Variants in RIC8B observed in about 807,000 individuals in gnomAD.
RIC8B encodes RIC8 guanine nucleotide exchange factor B, also known as chaperone Ric-8B.
RIC8B carries 16 observed loss-of-function variants against 57.5 expected under a neutral mutation model. The ratio of observed to expected loss-of-function variants is 0.28; its 90% CI spans 0.19 to 0.42. The LOEUF is 0.42. Ranked by LOEUF, RIC8B falls within the 10% of genes least tolerant of loss-of-function variation. RIC8B has a pLI of 1.00. For synonymous variants in RIC8B, 216 were observed against 250.8 expected, an observed-to-expected ratio of 0.86 and a Z score of 1.31; for missense variants, 481 against 677.0, an observed-to-expected ratio of 0.71 and a Z score of 3.21.
intron 2 of RIC8B, among the ~76,000 whole-genome samples, chr12:106,812,002 G>C (rs767996943): frequency 2.6e-5 from 4 of 151,116 alleles, no homozygotes; most frequent in African/African-American, 9.8e-5. Context: ...AGAAATTATT[G>C]TATTGAGTAA....
intron 7 of RIC8B, among the ~76,000 whole-genome samples, chr12:106,853,604 G>C (rs1445408156): frequency 6.6e-6 from 1 of 151,568 alleles, no homozygotes; most frequent in Non-Finnish European, 1.5e-5. Flanking sequence ...GAGTAGCTGG[G>C]ACTACAGGCA....
In RIC8B at chr12:106,815,220, C is replaced by T; in HGVS notation, c.657C>T (p.Leu219=). ...CCATAGACCATAATGGACCTCCTCT[C>T]TCACCTCAGGAGACAGACTGTGCCA... is the stretch of plus-strand genomic sequence containing the variant. ...ESAIDHNGPP[L]SPQETDCAIE... The change falls in exon 3 of 10, where the codon CTC becomes CTT. Residue 219 remains leucine, a synonymous_variant. Coordinates refer to ENST00000392837, the MANE Select transcript of RIC8B (RefSeq NM_001330145.2). The T allele has an allele frequency of 6.2e-7, 1 of 1,614,202 alleles. No individual in the cohort carries two copies. Among genetic ancestry groups the T allele is most frequent in the Non-Finnish European group, 8.5e-7 (1 of 1,180,026 alleles).
intron 2 of RIC8B, among the ~76,000 whole-genome samples, chr12:106,809,571 G>T (rs973054601): frequency 6.8e-6 from 1 of 147,202 alleles, no homozygotes; most frequent in Non-Finnish European, 1.5e-5. Flanking sequence ...TGTTCAGTAA[G>T]CATTTCTTAG....
intron 9 of RIC8B, among the ~76,000 whole-genome samples, chr12:106,873,347 C>T (rs1475229231): frequency 1.3e-5 from 2 of 152,180 alleles, no homozygotes; most frequent in Non-Finnish European, 2.9e-5. Flanking sequence ...CCTTTGTGTG[C>T]TTTCTAACAT....
intron 8 of RIC8B, among the ~76,000 whole-genome samples, chr12:106,861,692 A>G (rs1438704792): frequency 1.3e-5 from 2 of 152,078 alleles, no homozygotes; most frequent in Admixed American, 1.3e-4. Flanking sequence ...CATCATTCTA[A>G]ATTAGTCTTA....
chr12:106,798,141 T>A (rs1159111403), intron 2 of RIC8B: 1 of 602,642 alleles, frequency 1.7e-6, no homozygotes, highest in Admixed American at 2.9e-5. Flanking sequence ...CTTAGGCATA[T>A]CGTAGATCTT....
At chr12:106,882,159 C>A (rs1347878600) in intron 9 of RIC8B, among the ~76,000 whole-genome samples, 1 of 152,162 alleles carries the variant, frequency 6.6e-6, no homozygotes, top group Non-Finnish European at 1.5e-5. Context: ...CATGGGAAAA[C>A]CTTCTGTAAG....
rs527507516 is a variant in RIC8B, at chr12:106,849,457, A to G, written c.1162-1993A>G. Among the ~76,000 whole-genome samples, 4 of 151,214 alleles carry G rather than the reference A, an allele frequency of 2.6e-5. No individual in the cohort carries two copies. The South Asian group carries it at 8.4e-4, about 32-fold the overall frequency. ...TGTGAGCTACCATGCCCGGCCAAAA[A>G]TTAAAAATTAAAAAAAAAAACTACA... On this transcript the variant is annotated intron_variant, in intron 6 of 9. Coordinates refer to ENST00000392837, the MANE Select transcript of RIC8B (RefSeq NM_001330145.2).
chr12:106,812,704 G>A (rs2045389602), intron 2 of RIC8B, among the ~76,000 whole-genome samples: 1 of 151,946 alleles, frequency 6.6e-6, no homozygotes, highest in South Asian at 2.1e-4. Context: ...TTTTTGTCTT[G>A]AATATGAAAG....
chr12:106,871,500 C>CAAAAAAAAAAAAAAAAAAAAAAAA lies in RIC8B; in HGVS notation c.1571+564_1571+565insAAAAAAAAAAAAAAAAAAAAAAAA, dbSNP rs1566169701. 3.0e-5 allele frequency: 2 copies of CAAAAAAAAAAAAAAAAAAAAAAAA among 66,576 alleles called. 1 individual carries two copies. Among genetic ancestry groups the CAAAAAAAAAAAAAAAAAAAAAAAA allele is most frequent in the Non-Finnish European group, 5.7e-5 (2 of 35,386 alleles). 4.1% of individuals were successfully genotyped at this position (66,576 alleles called of 1,614,324 possible). On this transcript the variant is annotated intron_variant, in intron 9 of 9. Coordinates refer to ENST00000392837, the MANE Select transcript of RIC8B (RefSeq NM_001330145.2). ...AAAAAAAAAAAAAAAAAAAAAAAAC[C>CAAAAAAAAAAAAAAAAAAAAAAAA]AAAAAACTCCCCTTCCCCTCTTGCT... is the stretch of plus-strand genomic sequence containing the variant.
intron 2 of RIC8B, among the ~76,000 whole-genome samples, chr12:106,796,974 A>C (rs1327983464): frequency 6.6e-6 from 1 of 152,246 alleles, no homozygotes; most frequent in Non-Finnish European, 1.5e-5. Context: ...ATAAAATATC[A>C]ATTCATACCC....
intron 4 of RIC8B, among the ~76,000 whole-genome samples, chr12:106,827,002 G>A (rs1191427346): frequency 6.6e-6 from 1 of 152,102 alleles, no homozygotes; most frequent in African/African-American, 2.4e-5. Context: ...TGAACCTCAG[G>A]AGGTGAAGGT....
chr12:106,840,171 C>G (rs2046805851), intron 4 of RIC8B, among the ~76,000 whole-genome samples: 1 of 152,136 alleles, frequency 6.6e-6, no homozygotes, highest in Admixed American at 6.5e-5. Flanking sequence ...AGCTATGGAT[C>G]TACGTGTGCC....
chr12:106,832,200 C>T lies in RIC8B; in HGVS notation c.836+6380C>T, dbSNP rs191923842. On this transcript the variant is annotated intron_variant, in intron 4 of 9. Transcript: ENST00000392837. Reference sequence around the variant, plus strand: ...CACCACACACACACATATCTTGTCACTATCTTATCATCTGCTTTATTTTTT... The same window carrying T: ...CACCACACACACACATATCTTGTCATTATCTTATCATCTGCTTTATTTTTT... Among the ~76,000 whole-genome samples the T allele has an allele frequency of 3.3e-4, 51 of 152,304 alleles. 1 individual carries two copies. The highest frequency in any genetic ancestry group is 1.1e-3 in the African/African-American group (45 of 41,568).
At chr12:106,817,653 A>AC (rs1300284628) in intron 3 of RIC8B, among the ~76,000 whole-genome samples, 1 of 151,846 alleles carries the variant, frequency 6.6e-6, no homozygotes, top group Non-Finnish European at 1.5e-5. Flanking sequence ...CCCCGTCTCT[A>AC]CTAAAAAAAA....
rs139871270 is a variant in RIC8B at position 106,784,497 on chromosome 12, A to T, written c.132+453A>T. 2.8e-3 allele frequency among the ~76,000 whole-genome samples: 432 copies of T among 152,304 alleles called. 3 individuals carry two copies. Among genetic ancestry groups the T allele is most frequent in the African/African-American group, 9.8e-3 (408 of 41,570 alleles). On this transcript the variant is annotated intron_variant, in intron 2 of 9. Transcript: ENST00000392837. ...CTCCTGCCTCAGCCTCCCAGTAGCT[A>T]GAGCTACAGGCACACACCAGCATGC...
chr12:106,805,306 A>G (rs919248370), intron 2 of RIC8B, among the ~76,000 whole-genome samples: 1 of 151,962 alleles, frequency 6.6e-6, no homozygotes, highest in African/African-American at 2.4e-5. Flanking sequence ...TTCTTGACCA[A>G]TCATTCCACC....
chr12:106,813,733 A>C (rs1327945027), intron 2 of RIC8B, among the ~76,000 whole-genome samples: 3 of 152,194 alleles, frequency 2.0e-5, no homozygotes, highest in Non-Finnish European at 2.9e-5. Flanking sequence ...GTAAAATCTT[A>C]TATTGGTAAT....
At chr12:106,853,123 A>T (rs1346771480) in intron 7 of RIC8B, among the ~76,000 whole-genome samples, 1 of 152,086 alleles carries the variant, frequency 6.6e-6, no homozygotes, top group Non-Finnish European at 1.5e-5. Context: ...ATTTTTTTGT[A>T]TACCTTTAAA....
Sources: gnomAD v4.1 joint callset for allele counts (sites outside exome capture counted in the v4.1 genomes callset) on GRCh38, gnomAD v4.1.1 for gene constraint, MANE v1.5 for transcripts, NCBI Gene and HGNC (gene_info 2026-07-23, HGNC 2026-07-21) for gene names.